DOCK5: variants seen among roughly 807,000 people sequenced by gnomAD.
The protein encoded by DOCK5 is dedicator of cytokinesis 5.
DOCK5 carries 142 observed loss-of-function variants against 251.8 expected under a neutral mutation model. The observed-to-expected ratio is 0.56, with a 90% confidence interval of 0.49 to 0.65. The LOEUF (loss-of-function observed/expected upper bound fraction) is 0.65, where lower values mean the gene tolerates loss of function less well. Ranked by LOEUF, DOCK5 falls within the 30% of genes least tolerant of loss-of-function variation. The pLI is 0.00. For missense variants in DOCK5, 2,111 were observed against 2,312.3 expected (o/e 0.91, Z 1.79); for synonymous variants, 842 against 835.5 (o/e 1.01, Z -0.13).
At chr8:25,378,189 A>G (rs1237404493) in intron 38 of DOCK5, among the ~76,000 whole-genome samples, 1 of 152,176 alleles carries the variant, frequency 6.6e-6, no homozygotes, top group Non-Finnish European at 1.5e-5. Context: ...TATTTCTGGC[A>G]TGGCAGCCCC....
At chr8:25,208,337 T>G (rs2117474425) in intron 1 of DOCK5, among the ~76,000 whole-genome samples, 1 of 152,270 alleles carries the variant, frequency 6.6e-6, no homozygotes, top group South Asian at 2.1e-4. Context: ...TTGAAAGAAG[T>G]TATACTGTGG....
At chr8:25,303,337 T>C (rs1303424410) in intron 10 of DOCK5, among the ~76,000 whole-genome samples, 2 of 152,208 alleles carry the variant, frequency 1.3e-5, no homozygotes, top group African/African-American at 4.8e-5. Flanking sequence ...GAATCCTCCC[T>C]GTCTGGGTCT....
Position 25,374,593 on chromosome 8 carries a change from G to C in DOCK5, c.3755G>C (p.Arg1252Pro). Residue 1252 changes from arginine (R) to proline (P), a missense_variant, in exon 37 of 52, where the codon CGA becomes CCA. Physicochemically the swap from Arg to Pro is moderately radical, Grantham distance 103. Around this residue, in one of 3 missense-constraint regions of DOCK5, gnomAD observed 1,717 missense variants for 1,892.4 expected, o/e 0.91. Transcript: ENST00000276440. ...RYLYKLRDLH[R>P]DCENYTEAAY... Reference sequence around the variant, plus strand: ...CTGTACAAGCTTCGAGATTTGCACCGAGACTGTGAGAACTACACAGAAGCT... The same window carrying C: ...CTGTACAAGCTTCGAGATTTGCACCCAGACTGTGAGAACTACACAGAAGCT... 1 of 1,611,424 alleles carries C rather than the reference G, an allele frequency of 6.2e-7. No homozygotes were observed. The highest frequency in any genetic ancestry group is 8.5e-7 in the Non-Finnish European group (1 of 1,179,278).
intron 3 of DOCK5, among the ~76,000 whole-genome samples, chr8:25,274,363 A>G (rs909539645): frequency 2.6e-5 from 4 of 152,244 alleles, no homozygotes; most frequent in African/African-American, 4.8e-5. Flanking sequence ...TATAAGCTCC[A>G]TGTAAGATAC....
At chr8:25,238,987 G>A (rs1054886351) in intron 1 of DOCK5, among the ~76,000 whole-genome samples, 1 of 152,312 alleles carries the variant, frequency 6.6e-6, no homozygotes, top group South Asian at 2.1e-4. Flanking sequence ...CCCAAACTGC[G>A]CTGGAAGGGA....
intron 40 of DOCK5, among the ~76,000 whole-genome samples, chr8:25,388,334 G>A (rs1363178899): frequency 6.6e-6 from 1 of 152,146 alleles, no homozygotes; most frequent in Non-Finnish European, 1.5e-5. Context: ...TCATGTGTGG[G>A]CTACCAATGG....
At chr8:25,323,023 G>C (rs956295187) in intron 16 of DOCK5, among the ~76,000 whole-genome samples, 2 of 152,212 alleles carry the variant, frequency 1.3e-5, no homozygotes, top group African/African-American at 4.8e-5. Flanking sequence ...CTCCACCACT[G>C]TGGGGACCCA....
chr8:25,384,457 TTA>T (rs1281562759), intron 40 of DOCK5, among the ~76,000 whole-genome samples: 2 of 37,826 alleles, frequency 5.3e-5, no homozygotes, highest in African/African-American at 1.6e-4. Context: ...ATTTATTTAT[TTA>T]TTTATTTTTT....
chr8:25,410,705 C>T (rs377438998), intron 51 of DOCK5, among the ~76,000 whole-genome samples: 11 of 66,162 alleles, frequency 1.7e-4, no homozygotes, highest in African/African-American at 2.9e-4. Context: ...CAAGTGATCC[C>T]CCCCACCCAC....
At chr8:25,281,505 C>G (rs1052958969) in intron 5 of DOCK5, among the ~76,000 whole-genome samples, 1 of 148,822 alleles carries the variant, frequency 6.7e-6, no homozygotes, top group East Asian at 2.0e-4. Flanking sequence ...GCCAAAATCT[C>G]TTAGTAGTTA....
intron 2 of DOCK5, among the ~76,000 whole-genome samples, chr8:25,254,264 A>C (rs925812709): frequency 3.3e-5 from 5 of 152,220 alleles, no homozygotes; most frequent in African/African-American, 1.2e-4. Context: ...CTAAATGTAA[A>C]ATATAAAGGT....
At chr8:25,250,173 C>T (rs941767515) in intron 2 of DOCK5, among the ~76,000 whole-genome samples, 2 of 152,122 alleles carry the variant, frequency 1.3e-5, no homozygotes, top group African/African-American at 2.4e-5. Flanking sequence ...CCAAAACAGG[C>T]GACCAGAGTC....
chr8:25,309,013 C>A, intron 12 of DOCK5, 88 bp downstream of exon 12: 2 of 1,498,064 alleles, frequency 1.3e-6, no homozygotes, highest in Admixed American at 2.1e-5. Context: ...CCTTTATTAT[C>A]TTTCTCTGAT....
chr8:25,266,957 A>G (rs1382552575), intron 2 of DOCK5, among the ~76,000 whole-genome samples: 1 of 152,216 alleles, frequency 6.6e-6, no homozygotes, highest in Non-Finnish European at 1.5e-5. Context: ...AGTGGAATGA[A>G]GTTTGTATTG....
intron 40 of DOCK5, among the ~76,000 whole-genome samples, chr8:25,384,457 T>TTA (rs1281562759): frequency 5.3e-5 from 2 of 37,826 alleles, no homozygotes; most frequent in Non-Finnish European, 1.2e-4. Context: ...ATTTATTTAT[T>TTA]TATTTATTTT....
rs1013398861 is a variant in DOCK5 at position 25,303,824 on chromosome 8, C to T, written c.977-431C>T. On this transcript the variant is annotated intron_variant, in intron 10 of 51. Transcript: ENST00000276440. The stretch of plus-strand genomic sequence containing the variant: ...TAAAAAAATACAAAAGTTAGCCAAG[C>T]GTGGTGGCATGTGCTGTAGTAGTCC... Among the ~76,000 whole-genome samples, 17 of 152,174 alleles carry T rather than the reference C, an allele frequency of 1.1e-4. No individual in the cohort carries two copies. The East Asian group carries it at 1.7e-3, about 16-fold the overall frequency.
intron 37 of DOCK5, chr8:25,375,006 A>T: frequency 8.9e-7 from 1 of 1,121,642 alleles, no homozygotes; most frequent in Non-Finnish European, 1.1e-6. Context: ...AGTACCATAG[A>T]AGTACTCTAT....
At chr8:25,274,388 G>A (rs1198114703) in intron 3 of DOCK5, among the ~76,000 whole-genome samples, 2 of 152,202 alleles carry the variant, frequency 1.3e-5, no homozygotes, top group African/African-American at 4.8e-5. Flanking sequence ...AAACAGATCA[G>A]CATCACTGTC....
chr8:25,397,757 G>A (rs9644095), intron 45 of DOCK5, among the ~76,000 whole-genome samples: 53,966 of 149,516 alleles, frequency 0.36, 9,666 homozygotes, highest in South Asian at 0.39. Flanking sequence ...ATCTGTGACT[G>A]ACACATAATA....
Sources: gnomAD v4.1 joint callset for allele counts (sites outside exome capture counted in the v4.1 genomes callset) on GRCh38, gnomAD v4.1.1 for gene constraint, gnomAD v4.1.1 regional missense constraint, MANE v1.5 for transcripts, NCBI Gene and HGNC (gene_info 2026-07-23, HGNC 2026-07-21) for gene names.